The following SGK2 variants were observed in gnomAD, a reference collection of about 807,000 sequenced individuals.
SGK2 encodes serum/glucocorticoid regulated kinase 2, also known as serine/threonine-protein kinase Sgk2.
In SGK2, 36 loss-of-function variants were observed where a neutral mutation model predicts 47.5. The observed-to-expected ratio is 0.76, with a 90% CI of 0.58 to 1.00. SGK2 has a LOEUF of 1.00. Among genes scored for constraint, SGK2 ranks in the 50% least tolerant of loss-of-function variants. The pLI is 0.00. For missense variants in SGK2, 404 were observed against 467.4 expected (o/e 0.86, Z 1.25); for synonymous variants, 157 against 181.9 (o/e 0.86, Z 1.10).
At chr20:43,574,338 C>A (rs533284025) in intron 9 of SGK2, among the ~76,000 whole-genome samples, 24 of 152,272 alleles carry the variant, frequency 1.6e-4, no homozygotes, top group African/African-American at 5.8e-4. Context: ...AGGGGTCACC[C>A]CCTCCTTCCT....
intron 8 of SGK2, among the ~76,000 whole-genome samples, chr20:43,571,430 G>A (rs1447524771): frequency 6.6e-6 from 1 of 152,176 alleles, no homozygotes; most frequent in Non-Finnish European, 1.5e-5. Flanking sequence ...TAAAAAAACA[G>A]GATTGGGCAA....
Position 43,575,016 on chromosome 20 carries a change from G to A in SGK2, c.693+12G>A, listed in dbSNP as rs893354861. 9.4e-6 allele frequency: 15 copies of A among 1,598,728 alleles called. No homozygotes were observed. The highest frequency in any genetic ancestry group is 3.3e-5 in the South Asian group (3 of 90,618). On this transcript the variant is annotated intron_variant, in intron 10 of 12. Coordinates refer to ENST00000373100, the MANE Select transcript of SGK2 (RefSeq NM_170693.3). Reference sequence around the variant, plus strand: ...TGCTCCATGGCCTGGTGAGTCAGGGGTAGCCATCTACAAGGGCCATCTGGC... The same window carrying A: ...TGCTCCATGGCCTGGTGAGTCAGGGATAGCCATCTACAAGGGCCATCTGGC...
chr20:43,579,903 G>A (rs1390974659), intron 11 of SGK2, 69 bp from the exon 12 acceptor site: 7 of 928,304 alleles, frequency 7.5e-6, no homozygotes, highest in Non-Finnish European at 1.3e-5. Flanking sequence ...GGAGGATGTG[G>A]GGGTGAGGTG....
At chr20:43,564,493 G>A (rs536559970) in intron 1 of SGK2, among the ~76,000 whole-genome samples, 86 of 150,970 alleles carry the variant, frequency 5.7e-4, no homozygotes, top group African/African-American at 2.0e-3. Flanking sequence ...GCATGCACGC[G>A]CGCACACACA....
intron 3 of SGK2, 47 bp downstream of exon 3, chr20:43,567,164 A>G (rs760032226): frequency 6.8e-7 from 1 of 1,478,028 alleles, no homozygotes; most frequent in East Asian, 2.3e-5. Context: ...CTCCCCTCAT[A>G]CCTGGCTCCC....
chr20:43,578,745 T>C (rs1980613729), intron 11 of SGK2, among the ~76,000 whole-genome samples: 1 of 152,206 alleles, frequency 6.6e-6, no homozygotes, highest in Non-Finnish European at 1.5e-5. Context: ...ACATTCCAGT[T>C]ACTGTAAATC....
Position 43,571,064 on chromosome 20 carries a change from G to GGTGTGTGTGT in SGK2, c.510+33_510+42dup, listed in dbSNP as rs11467250. 4.9e-5 allele frequency: 77 copies of GGTGTGTGTGT among 1,566,130 alleles called. No individual in the cohort carries two copies. In the African/African-American group the frequency reaches 9.4e-4, roughly 19 times the overall value. On this transcript the variant is annotated splice_donor_region_variant and intron_variant, in intron 8 of 12. Coordinates refer to ENST00000373100, the MANE Select transcript of SGK2 (RefSeq NM_170693.3). ...GAACATTCTCTTGGACTGCCAGGTT[G>GGTGTGTGTGT]GTGTGTGTGTGTGTGTGTGTGTGTG...
rs775875826 is a variant in SGK2, at chr20:43,580,040, T to C, written c.918T>C (p.Thr306=). The C allele has an allele frequency of 1.2e-6, 2 of 1,604,838 alleles. No individual in the cohort carries two copies. The highest frequency in any genetic ancestry group is 1.7e-6 in the Non-Finnish European group (2 of 1,175,480). The change falls in exon 12 of 13, where the codon ACT becomes ACC. Residue 306 remains threonine (T), a synonymous_variant. Transcript: ENST00000373100. ...NWDDLYHKRL[T]PPFNPNVTGP... ...ATGACCTGTACCACAAGAGGCTAAC[T>C]CCACCCTTCAACCCAAATGTGGTAA... is the stretch of plus-strand genomic sequence containing the variant.
intron 8 of SGK2, 94 bp downstream of exon 8, chr20:43,571,154 G>A (rs1345670809): frequency 1.0e-5 from 16 of 1,577,562 alleles, no homozygotes; most frequent in African/African-American, 8.1e-5. Flanking sequence ...ACATGGGTGT[G>A]CATGCATTGT....
chr20:43,566,423 T>C lies in SGK2; in HGVS notation c.-23-50T>C, dbSNP rs376613216. On this transcript the variant is annotated intron_variant, in intron 1 of 12. Transcript: ENST00000373100. ...GCCTGAAGCCCTGGATGGGCGGAGCTGACCCCCCAACACCAACTCTCTCAT... is the reference window on the plus strand; with the variant it reads ...GCCTGAAGCCCTGGATGGGCGGAGCCGACCCCCCAACACCAACTCTCTCAT... 9 of 1,613,948 alleles carry C rather than the reference T, an allele frequency of 5.6e-6. No homozygotes were observed. The African/African-American group carries it at 1.2e-4, about 22-fold the overall frequency.
chr20:43,582,264 C>T (rs1323251923), intron 12 of SGK2, among the ~76,000 whole-genome samples: 3 of 152,184 alleles, frequency 2.0e-5, no homozygotes, highest in South Asian at 4.1e-4. Flanking sequence ...TTCTATGTAG[C>T]CCAGGCTGAT....
intron 12 of SGK2, among the ~76,000 whole-genome samples, chr20:43,581,174 CTGTTT>C (rs1292824797): frequency 6.6e-6 from 1 of 152,034 alleles, no homozygotes; most frequent in Non-Finnish European, 1.5e-5. Context: ...CGTGCCTGGC[CTGTTT>C]TGTTTTGTTT....
chr20:43,566,758 G>A (rs1375000793), intron 2 of SGK2, among the ~76,000 whole-genome samples: 1 of 152,074 alleles, frequency 6.6e-6, no homozygotes, highest in Non-Finnish European at 1.5e-5. Flanking sequence ...TCCCAACCTG[G>A]TTGCCTGTGA....
chr20:43,567,279 C>T (rs1979792413), intron 3 of SGK2, among the ~76,000 whole-genome samples, 162 bp downstream of exon 3: 1 of 152,240 alleles, frequency 6.6e-6, no homozygotes, highest in African/African-American at 2.4e-5. Flanking sequence ...AATTCCCCAG[C>T]CTCTGCCCAT....
intron 8 of SGK2, among the ~76,000 whole-genome samples, chr20:43,571,302 C>T (rs1443775045): frequency 6.6e-6 from 1 of 152,104 alleles, no homozygotes; most frequent in African/African-American, 2.4e-5. Flanking sequence ...GGGGTGGAGC[C>T]AGGTGGAGGC....
At chr20:43,579,485 G>A (rs1487782092) in intron 11 of SGK2, among the ~76,000 whole-genome samples, 1 of 152,166 alleles carries the variant, frequency 6.6e-6, no homozygotes, top group Non-Finnish European at 1.5e-5. Flanking sequence ...CCAGGGCTGA[G>A]TCCTAAAATC....
At chr20:43,573,444 G>A (rs188824541) in intron 9 of SGK2, among the ~76,000 whole-genome samples, 7 of 151,530 alleles carry the variant, frequency 4.6e-5, no homozygotes, top group East Asian at 1.9e-4. Context: ...AGCCGAGATC[G>A]GGTCATTGCA....
intron 10 of SGK2, 49 bp from the exon 11 acceptor site, chr20:43,576,175 T>G: frequency 6.2e-7 from 1 of 1,601,446 alleles, no homozygotes; most frequent in Non-Finnish European, 8.5e-7. Context: ...CCCGAGCCTG[T>G]GTTCACTTTG....
At position 43,585,597 on chromosome 20, in the gene SGK2, T is replaced by C. The variant is rs1981041862; in HGVS notation, c.*581T>C. 1 of 152,834 alleles carries C rather than the reference T, an allele frequency of 6.5e-6. No homozygotes were observed. The highest frequency in any genetic ancestry group is 6.5e-5 in the Admixed American group (1 of 15,404). 9.5% of individuals were successfully genotyped at this position (152,834 alleles called of 1,614,324 possible). A position where few individuals can be genotyped will look rare whatever the true frequency, so the allele number is the denominator to read the frequency against. On this transcript the variant is annotated 3_prime_UTR_variant, in exon 13 of 13. Coordinates refer to ENST00000373100, the MANE Select transcript of SGK2 (RefSeq NM_170693.3). ...GTAAAATGACAGAGATGTAACAAGC[T>C]CATAGGGTATCAATATCTCTTATTG...
Sources: allele counts gnomAD v4.1 joint callset (sites outside exome capture counted in the v4.1 genomes callset), GRCh38; gene constraint gnomAD v4.1.1; transcripts MANE v1.5; gene names NCBI Gene and HGNC (gene_info 2026-07-23, HGNC 2026-07-21).